OR51B5: variants seen among roughly 807,000 people sequenced by gnomAD.
The protein encoded by OR51B5 is olfactory receptor family 51 subfamily B member 5, also known as olfactory receptor 51B5.
For synonymous variants in OR51B5, 186 were observed against 144.8 expected, an observed-to-expected ratio of 1.28 and a Z score of -2.04; for missense variants, 456 against 374.6, an observed-to-expected ratio of 1.22 and a Z score of -1.79.
At chr11:5,379,257 A>C (rs1406097321) in intron 1 of OR51B5, among the ~76,000 whole-genome samples, 1 of 152,092 alleles carries the variant, frequency 6.6e-6, no homozygotes, top group Non-Finnish European at 1.5e-5. Flanking sequence ...TGGGAACTGA[A>C]CAATGAGAAC....
At chr11:5,358,188 A>G (rs1180055566) in intron 1 of OR51B5, among the ~76,000 whole-genome samples, 1 of 152,188 alleles carries the variant, frequency 6.6e-6, no homozygotes, top group Non-Finnish European at 1.5e-5. Flanking sequence ...CCTTCAAAAA[A>G]TCAATGAATC....
chr11:5,447,213 T>C (rs1265523123), intron 1 of OR51B5, among the ~76,000 whole-genome samples: 1 of 152,216 alleles, frequency 6.6e-6, no homozygotes, highest in African/African-American at 2.4e-5. Context: ...CCTGACTCTT[T>C]TGTGACTCTT....
chr11:5,486,926 T>G (rs1031818502), intron 1 of OR51B5, among the ~76,000 whole-genome samples: 12 of 151,954 alleles, frequency 7.9e-5, no homozygotes, highest in African/African-American at 2.9e-4. Flanking sequence ...AAAATCTCAA[T>G]GCAAATAAAG....
chr11:5,471,768 G>A (rs1418377538), intron 1 of OR51B5, among the ~76,000 whole-genome samples: 2 of 152,100 alleles, frequency 1.3e-5, no homozygotes, highest in Admixed American at 1.3e-4. Context: ...TAATAACTGA[G>A]TTTTTATTTC....
intron 1 of OR51B5, chr11:5,351,878 T>C (rs746057920): frequency 6.2e-7 from 1 of 1,613,398 alleles, no homozygotes; most frequent in South Asian, 1.1e-5. Context: ...TTCATTACCA[T>C]CCGCAGCCCC....
chr11:5,505,533 G>A lies in OR51B5; in HGVS notation n.84+36C>T, dbSNP rs1032793696. ...GCTAATGAAGATATACCCGAGACTG[G>A]GCAATTTATAAAAGAAAGAGGTTTA... On this transcript the variant is annotated intron_variant and non_coding_transcript_variant, in intron 1 of 4. Transcript: ENST00000415970. 9.4e-6 allele frequency: 11 copies of A among 1,173,210 alleles called. No individual in the cohort carries two copies. The East Asian group carries it at 5.7e-4, about 60-fold the overall frequency. 72.7% of individuals were successfully genotyped at this position (1,173,210 alleles called of 1,614,324 possible). A position where few individuals can be genotyped will look rare whatever the true frequency, so the allele number is the denominator to read the frequency against.
intron 1 of OR51B5, among the ~76,000 whole-genome samples, chr11:5,493,619 T>C (rs1851608209): frequency 6.6e-6 from 1 of 152,174 alleles, no homozygotes; most frequent in Non-Finnish European, 1.5e-5. Flanking sequence ...ATATTTCAAC[T>C]GTAAAAGCAG....
chr11:5,348,231 C>T (rs1849024794), upstream of OR51B5, among the ~76,000 whole-genome samples: 1 of 151,994 alleles, frequency 6.6e-6, no homozygotes, highest in African/African-American at 2.4e-5. Context: ...TTCTGGAACA[C>T]ATAAGGCAAA....
At chr11:5,418,156 C>T (rs1850270243) in intron 1 of OR51B5, among the ~76,000 whole-genome samples, 1 of 151,310 alleles carries the variant, frequency 6.6e-6, no homozygotes, top group Non-Finnish European at 1.5e-5. Context: ...ATTGCAAGAA[C>T]AAAAAACCAA....
At position 5,447,181 on chromosome 11, in the gene OR51B5, C is replaced by G. The variant is rs191328514; in HGVS notation, n.84+58388G>C. ...GCTTCTGTTCTGTACCAAGGCTAAG[C>G]CTGTTTACCCTCAAGTCCACTCCTG... is the stretch of plus-strand genomic sequence containing the variant. On this transcript the variant is annotated intron_variant and non_coding_transcript_variant, in intron 1 of 4. Transcript: ENST00000415970. Among the ~76,000 whole-genome samples the G allele has an allele frequency of 4.0e-4, 61 of 152,302 alleles. No homozygotes were observed. The East Asian group carries it at 5.6e-3, about 14-fold the overall frequency.
At chr11:5,493,415 G>C (rs1040189015) in intron 1 of OR51B5, among the ~76,000 whole-genome samples, 1 of 152,022 alleles carries the variant, frequency 6.6e-6, no homozygotes, top group Non-Finnish European at 1.5e-5. Flanking sequence ...ATTCTAAAAA[G>C]ACATTATTTT....
chr11:5,351,614 T>G, intron 1 of OR51B5: 2 of 1,614,142 alleles, frequency 1.2e-6, no homozygotes, highest in Non-Finnish European at 1.7e-6. Context: ...TACATCTCCA[T>G]ACTTCTTGGC....
rs868107372 is a variant in OR51B5, at chr11:5,431,809, C to T, written n.84+73760G>A. ...TCTCTCCTCCTGTTCTCCTGAGTTC[C>T]AGAATCCTAAATGTTACTTGGAAAA... On this transcript the variant is annotated intron_variant and non_coding_transcript_variant, in intron 1 of 4. Coordinates refer to the OR51B5 transcript ENST00000415970. Among the ~76,000 whole-genome samples the T allele has an allele frequency of 3.9e-5, 6 of 152,298 alleles. No homozygotes were observed. The South Asian group carries it at 1.2e-3, about 32-fold the overall frequency.
intron 1 of OR51B5, among the ~76,000 whole-genome samples, chr11:5,435,780 T>C (rs887772261): frequency 1.4e-4 from 21 of 152,202 alleles, no homozygotes; most frequent in Non-Finnish European, 2.4e-4. Context: ...CAGTGTGATA[T>C]ATAGCTTAAA....
chr11:5,409,840 G>A (rs962626124), intron 1 of OR51B5, among the ~76,000 whole-genome samples: 4 of 152,110 alleles, frequency 2.6e-5, no homozygotes, highest in African/African-American at 4.8e-5. Flanking sequence ...CCCTGAATAA[G>A]CATATCATAT....
intron 1 of OR51B5, chr11:5,402,476 T>A (rs1849985612): frequency 2.8e-6 from 1 of 360,690 alleles, no homozygotes; most frequent in East Asian, 7.3e-5. Context: ...CATAAATCTG[T>A]GAGTTTGCTT....
rs1464114869 is a variant in OR51B5 at position 5,360,562 on chromosome 11, C to A, written n.85-13652G>T. 9.5e-4 allele frequency among the ~76,000 whole-genome samples: 144 copies of A among 151,986 alleles called. 1 individual carries two copies. The highest frequency in any genetic ancestry group is 3.3e-3 in the African/African-American group (136 of 41,416). ...TTGGTGAGACTGTAAACTAGTTCAA[C>A]CATTGTGGAAGTCAGTGTGGCGATT... On this transcript the variant is annotated intron_variant and non_coding_transcript_variant, in intron 1 of 4. Coordinates refer to the OR51B5 transcript ENST00000415970.
intron 1 of OR51B5, among the ~76,000 whole-genome samples, chr11:5,431,956 T>G (rs761152537): frequency 6.6e-6 from 1 of 152,250 alleles, no homozygotes; most frequent in Non-Finnish European, 1.5e-5. Flanking sequence ...ATGCATAAAA[T>G]GTATAATCGT....
chr11:5,376,636 C>T lies in OR51B5; in HGVS notation n.85-29726G>A, dbSNP rs755793360. 1.7e-3 allele frequency among the ~76,000 whole-genome samples: 252 copies of T among 152,032 alleles called. 1 individual carries two copies. The highest frequency in any genetic ancestry group is 6.8e-3 in the Middle Eastern group (2 of 294). Reference sequence around the variant, plus strand: ...AAAATGATAAAGGGGATATCACCACCGATCCCACAGAAATACAAACTGCCA... The same window carrying T: ...AAAATGATAAAGGGGATATCACCACTGATCCCACAGAAATACAAACTGCCA... On this transcript the variant is annotated intron_variant and non_coding_transcript_variant, in intron 1 of 4. Coordinates refer to the OR51B5 transcript ENST00000415970.
Sources: allele counts gnomAD v4.1 joint callset (sites outside exome capture counted in the v4.1 genomes callset), GRCh38; gene constraint gnomAD v4.1.1; transcripts MANE v1.5; gene names NCBI Gene and HGNC (gene_info 2026-07-23, HGNC 2026-07-21).